Variants in TGFBR3 observed in about 807,000 individuals in gnomAD.
TGFBR3 encodes the protein transforming growth factor beta receptor 3.
In TGFBR3, 46 loss-of-function variants were observed where a neutral mutation model predicts 87.9. That is an observed-to-expected ratio of 0.52 (90% CI 0.41 to 0.67). The LOEUF is 0.67. Among genes scored for constraint, TGFBR3 ranks in the 30% least tolerant of loss-of-function variants. The probability of loss-of-function intolerance (pLI) is 0.00; values close to 1 mark genes in which losing one functional copy is unlikely to be tolerated. For missense variants in TGFBR3, 866 were observed against 1,041.9 expected (o/e 0.83, Z 2.32); for synonymous variants, 381 against 391.6 (o/e 0.97, Z 0.32).
At chr1:91,730,452 C>G (rs916789644) in intron 5 of TGFBR3, among the ~76,000 whole-genome samples, 6 of 152,172 alleles carry the variant, frequency 3.9e-5, no homozygotes, top group African/African-American at 1.4e-4. Context: ...CTATCTCATT[C>G]TTTTTCTAGG....
intron 9 of TGFBR3, 24 bp from the exon 10 acceptor site, chr1:91,719,488 A>G (rs755908952): frequency 3.1e-6 from 5 of 1,613,278 alleles, no homozygotes; most frequent in Admixed American, 1.7e-5. Context: ...CACCAAAGAC[A>G]TGGTTGGAGG....
chr1:91,806,303 C>A (rs1246728519), intron 2 of TGFBR3, among the ~76,000 whole-genome samples: 1 of 152,194 alleles, frequency 6.6e-6, no homozygotes, highest in Non-Finnish European at 1.5e-5. Context: ...GCATTCCAAT[C>A]TCAGTTACAG....
chr1:91,837,422 T>C (rs891579539), intron 2 of TGFBR3, among the ~76,000 whole-genome samples: 2 of 152,072 alleles, frequency 1.3e-5, no homozygotes, highest in Non-Finnish European at 2.9e-5. Flanking sequence ...ATTTTTGTAT[T>C]TTCAGTAGAG....
chr1:91,903,608 A>C (rs923465172), intron 1 of TGFBR3, among the ~76,000 whole-genome samples: 1 of 151,916 alleles, frequency 6.6e-6, no homozygotes, highest in African/African-American at 2.4e-5. Context: ...TTAGCCGGGC[A>C]TGGTAGTCTC....
chr1:91,755,725 C>T (rs1673717731), intron 4 of TGFBR3, among the ~76,000 whole-genome samples: 1 of 152,130 alleles, frequency 6.6e-6, no homozygotes, highest in African/African-American at 2.4e-5. Flanking sequence ...AAATTAATAA[C>T]TAAGAGTAAG....
chr1:91,838,510 G>A (rs918132559), intron 2 of TGFBR3, among the ~76,000 whole-genome samples: 1 of 148,636 alleles, frequency 6.7e-6, no homozygotes, highest in African/African-American at 2.5e-5. Flanking sequence ...CCAGGCTGGA[G>A]TGCAGTGGGG....
At chr1:91,848,909 GGTT>G (rs1677612031) in intron 2 of TGFBR3, among the ~76,000 whole-genome samples, 1 of 152,136 alleles carries the variant, frequency 6.6e-6, no homozygotes, top group African/African-American at 2.4e-5. Context: ...GGTTTGGGGA[GGTT>G]GTTTTGTGTT....
intron 2 of TGFBR3, among the ~76,000 whole-genome samples, chr1:91,895,026 TC>T (rs1237766991): frequency 1.3e-5 from 2 of 152,156 alleles, no homozygotes; most frequent in African/African-American, 2.4e-5. Context: ...CACCTCAGCC[TC>T]CCAAAGTGCT....
intron 2 of TGFBR3, among the ~76,000 whole-genome samples, chr1:91,798,248 C>A (rs1675463485): frequency 6.6e-6 from 1 of 152,170 alleles, no homozygotes; most frequent in South Asian, 2.1e-4. Flanking sequence ...AGGCACTGTC[C>A]ACCTAACCTA....
chr1:91,778,781 GAGAT>G (rs1674662398), intron 3 of TGFBR3, among the ~76,000 whole-genome samples: 1 of 152,194 alleles, frequency 6.6e-6, no homozygotes, highest in Non-Finnish European at 1.5e-5. Context: ...ACTAGCAGAA[GAGAT>G]AGACAGTGAA....
At chr1:91,719,272 C>A (rs746843075) in intron 10 of TGFBR3, 40 bp downstream of exon 10, 7 of 1,613,566 alleles carry the variant, frequency 4.3e-6, no homozygotes, top group Non-Finnish European at 5.9e-6. Context: ...CACAGCCAGG[C>A]TCTGGCAAAG....
intron 2 of TGFBR3, among the ~76,000 whole-genome samples, chr1:91,800,255 T>TATAC (rs1246293556): frequency 1.6e-3 from 146 of 89,316 alleles, no homozygotes; most frequent in Middle Eastern, 7.2e-3. Flanking sequence ...TATATATATA[T>TATAC]ACACACACAC....
At chr1:91,881,718 A>G (rs4658117) in intron 1 of TGFBR3, among the ~76,000 whole-genome samples, 135,853 of 152,148 alleles carry the variant, frequency 0.89, 61,776 homozygotes, top group Non-Finnish European at 0.99. Context: ...ACCCTAACGT[A>G]GTAAATGAAA....
intron 15 of TGFBR3, 84 bp downstream of exon 15, chr1:91,697,982 CAGAAGTCTCCTTATCAAAACTCA>C (rs1165124635): frequency 9.8e-7 from 1 of 1,020,474 alleles, no homozygotes; most frequent in Non-Finnish European, 1.6e-6. Context: ...GGAATGAGAG[CAGAAGTCTCCTTATCAAAACTCA>C]AAGTTTGGCA....
chr1:91,720,224 T>G lies in TGFBR3; in HGVS notation c.1082A>C (p.Glu361Ala), dbSNP rs764796295. 1.9e-6 allele frequency: 3 copies of G among 1,590,678 alleles called. No homozygotes were observed. The South Asian group carries it at 3.4e-5, about 18-fold the overall frequency. Residue 361 changes from glutamate (E) to alanine (A), a missense_variant, in exon 9 of 17, where the codon GAG becomes GCG. Transcript: ENST00000212355. ...AGTGTGGACTTCCTCATCTCCCATC[T>G]CCTCTGCTGGTGAAAGAAGAAGGCA... ...FHLRLENNAEEMGDEEVHTIP... is the reference protein window; with the variant it reads ...FHLRLENNAEAMGDEEVHTIP...
intron 1 of TGFBR3, among the ~76,000 whole-genome samples, chr1:91,868,418 C>A (rs58094327): frequency 6.6e-6 from 1 of 152,068 alleles, no homozygotes; most frequent in Non-Finnish European, 1.5e-5. Context: ...AAAAATGATT[C>A]CAAATTCCAT....
intron 4 of TGFBR3, among the ~76,000 whole-genome samples, chr1:91,748,821 A>C (rs185240335): frequency 2.4e-3 from 368 of 152,204 alleles, no homozygotes; most frequent in African/African-American, 8.3e-3. Context: ...TAGCTATGGG[A>C]CCAGGTACAT....
chr1:91,726,734 G>A (rs1672561030), intron 7 of TGFBR3, among the ~76,000 whole-genome samples: 1 of 105,724 alleles, frequency 9.5e-6, no homozygotes, highest in South Asian at 3.1e-4. Flanking sequence ...CCAAAATACT[G>A]AAAACATAAA....
intron 3 of TGFBR3, among the ~76,000 whole-genome samples, chr1:91,789,646 T>G (rs1255917108): frequency 2.6e-5 from 4 of 152,244 alleles, no homozygotes; most frequent in Non-Finnish European, 4.4e-5. Context: ...CTGCTTTCAC[T>G]TTTTCTAAAA....
Sources: allele counts gnomAD v4.1 joint callset (sites outside exome capture counted in the v4.1 genomes callset), GRCh38; gene constraint gnomAD v4.1.1; transcripts MANE v1.5; gene names NCBI Gene and HGNC (gene_info 2026-07-23, HGNC 2026-07-21).